The following SOD2 variants were observed in gnomAD, a reference collection of about 807,000 sequenced individuals.
SOD2 encodes superoxide dismutase [Mn], mitochondrial.
A neutral mutation model predicts 27.0 loss-of-function variants in SOD2; 11 were observed. The observed-to-expected ratio is 0.41, with a 90% CI of 0.26 to 0.67. SOD2 has a LOEUF of 0.67. Among genes scored for constraint, SOD2 ranks in the 30% least tolerant of loss-of-function variants. The pLI is 0.34. For missense variants in SOD2, 250 were observed against 274.5 expected, an observed-to-expected ratio of 0.91 and a Z score of 0.63; for synonymous variants, 105 against 103.0, an observed-to-expected ratio of 1.02 and a Z score of -0.12.
rs1583030793 is a variant in SOD2 at position 159,703,401 on chromosome 6, A to T, written c.-115-10538T>A. 2.5e-5 allele frequency among the ~76,000 whole-genome samples: 2 copies of T among 80,222 alleles called. 1 individual carries two copies. The highest frequency in any genetic ancestry group is 3.4e-4 in the Admixed American group (2 of 5,870). 52.6% of individuals were successfully genotyped at this position (80,222 alleles called of 152,430 possible). ...CTTACTACATGGAAGTTGAGGCTTT[A>T]CCTCTTTTTTTTTTTTTAAAGGAAG... On this transcript the variant is annotated intron_variant, in intron 1 of 2. Coordinates refer to the SOD2 transcript ENST00000401980.
intron 1 of SOD2, chr6:159,726,112 G>C (rs967858412): frequency 6.6e-6 from 1 of 152,222 alleles, no homozygotes; most frequent in Non-Finnish European, 1.5e-5. Context: ...ATAACTGCAA[G>C]GTATAAGAAT....
At chr6:159,702,236 C>T (rs112452736) in intron 1 of SOD2, among the ~76,000 whole-genome samples, 1,801 of 152,154 alleles carry the variant, frequency 0.012, 43 homozygotes, top group African/African-American at 0.042. Flanking sequence ...GGGAGGATCC[C>T]TTGAAGCCAG....
At position 159,676,180 on chromosome 6, in the gene SOD2, A is replaced by T. The variant is rs949568615; in HGVS notation, c.*6313T>A. On this transcript the variant is annotated 3_prime_UTR_variant, in exon 5 of 5. Transcript: ENST00000538183. ...TAAACTAGTTCAACCATTGTGGAAG[A>T]CAGTGTGGCGATTCCTCAGGGATCT... is the stretch of plus-strand genomic sequence containing the variant. The T allele has an allele frequency of 2.6e-5, 4 of 152,308 alleles. No individual in the cohort carries two copies. In the East Asian group the frequency reaches 5.8e-4, roughly 22 times the overall value. The allele number at this position is 152,308 out of a possible 1,614,324, so 9.4% of individuals were successfully genotyped here.
chr6:159,721,570 G>A (rs529031084), intron 1 of SOD2, among the ~76,000 whole-genome samples: 3 of 150,914 alleles, frequency 2.0e-5, no homozygotes, highest in African/African-American at 7.3e-5. Context: ...GTTTCTCCAC[G>A]TTGGTCAGGC....
chr6:159,755,262 G>T (rs773660534), intron 1 of SOD2: 10 of 1,614,088 alleles, frequency 6.2e-6, no homozygotes, highest in Non-Finnish European at 8.5e-6. Flanking sequence ...AGTAATGGTA[G>T]CTCCTCCCGC....
chr6:159,756,044 G>GTT (rs1780002856), intron 1 of SOD2: 1 of 156,054 alleles, frequency 6.4e-6, no homozygotes, highest in Non-Finnish European at 1.4e-5. Context: ...GTAGATGTGG[G>GTT]TTTATGACTG....
intron 1 of SOD2, among the ~76,000 whole-genome samples, chr6:159,759,705 C>G (rs1175942004): frequency 6.6e-6 from 1 of 151,824 alleles, no homozygotes; most frequent in African/African-American, 2.4e-5. Context: ...TTCCTTCATT[C>G]ATTATTCTTA....
At chr6:159,728,426 AAAAC>A (rs1250312474), upstream of SOD2, among the ~76,000 whole-genome samples, 1 of 133,206 alleles carries the variant, frequency 7.5e-6, no homozygotes, top group Non-Finnish European at 1.6e-5. Context: ...AAAACAAAAC[AAAAC>A]AAAAAAACTA....
chr6:159,723,840 C>T (rs1016377195), intron 1 of SOD2, among the ~76,000 whole-genome samples: 50 of 152,288 alleles, frequency 3.3e-4, no homozygotes, highest in African/African-American at 1.2e-3. Flanking sequence ...CTCATTGTAA[C>T]TTTAAACTCC....
chr6:159,693,482 G>A (rs372520205), upstream of SOD2, among the ~76,000 whole-genome samples: 4 of 152,156 alleles, frequency 2.6e-5, no homozygotes, highest in East Asian at 7.8e-4. Context: ...CGGCAACCTC[G>A]CTGCCTGTCT....
intron 1 of SOD2, among the ~76,000 whole-genome samples, chr6:159,735,546 C>G (rs956625610): frequency 6.6e-6 from 1 of 152,080 alleles, no homozygotes; most frequent in African/African-American, 2.4e-5. Context: ...GTCAGGAGTT[C>G]GAGACCAGCC....
chr6:159,724,035 C>T (rs1406926619), intron 1 of SOD2, among the ~76,000 whole-genome samples: 3 of 151,992 alleles, frequency 2.0e-5, no homozygotes, highest in Non-Finnish European at 4.4e-5. Flanking sequence ...AGGTGTGTGC[C>T]ACTGCACCCA....
At chr6:159,761,866 CCGCCCCG>C (rs58958183) in exon 1 of SOD2, 69,997 of 262,534 alleles carry the variant, frequency 0.27, 9,844 homozygotes, top group East Asian at 0.47. Context: ...GGCCTCACTT[CCGCCCCG>C]CGCCCCGCGC....
At chr6:159,699,551 A>G (rs1777488467) in intron 1 of SOD2, among the ~76,000 whole-genome samples, 1 of 149,232 alleles carries the variant, frequency 6.7e-6, no homozygotes, top group Admixed American at 6.7e-5. Context: ...CCCCATTACT[A>G]CTCCACGAGA....
chr6:159,758,709 G>C (rs1323663150), intron 1 of SOD2, among the ~76,000 whole-genome samples: 1 of 152,158 alleles, frequency 6.6e-6, no homozygotes, highest in African/African-American at 2.4e-5. Context: ...TAGTGGTAAG[G>C]AGTACACTGC....
chr6:159,720,925 C>T (rs573773908), intron 1 of SOD2, among the ~76,000 whole-genome samples: 2 of 126,632 alleles, frequency 1.6e-5, no homozygotes, highest in African/African-American at 5.8e-5. Context: ...GGCGCGATCT[C>T]GGCTCAGTGC....
At chr6:159,731,841 G>A (rs899835866), upstream of SOD2, among the ~76,000 whole-genome samples, 2 of 152,162 alleles carry the variant, frequency 1.3e-5, no homozygotes, top group African/African-American at 2.4e-5. Flanking sequence ...GAATACCAAG[G>A]TTATCAGAAC....
chr6:159,753,359 A>G (rs1453995186), intron 1 of SOD2: 2 of 1,494,970 alleles, frequency 1.3e-6, no homozygotes, highest in South Asian at 1.2e-5. Flanking sequence ...CTGCTGTGAT[A>G]TAGTTATGTT....
chr6:159,742,315 ACAGTCT>A (rs1445106996), intron 1 of SOD2, among the ~76,000 whole-genome samples: 2 of 152,186 alleles, frequency 1.3e-5, no homozygotes, highest in Non-Finnish European at 2.9e-5. Flanking sequence ...TGAATGAGAC[ACAGTCT>A]CAGTCATTGG....
Sources: gnomAD v4.1 joint callset for allele counts (sites outside exome capture counted in the v4.1 genomes callset) on GRCh38, gnomAD v4.1.1 for gene constraint, MANE v1.5 for transcripts, NCBI Gene and HGNC (gene_info 2026-07-23, HGNC 2026-07-21) for gene names.